OPHN1: variants seen among roughly 807,000 people sequenced by gnomAD.
OPHN1 encodes oligophrenin-1.
OPHN1 carries 11 observed loss-of-function variants against 60.7 expected under a neutral mutation model. That is an observed-to-expected ratio of 0.18 (90% CI 0.11 to 0.30). The LOEUF (loss-of-function observed/expected upper bound fraction) is 0.30. Ranked by LOEUF, OPHN1 falls within the 10% of genes least tolerant of loss-of-function variation. The probability of loss-of-function intolerance (pLI) is 1.00; values close to 1 mark genes in which losing one functional copy is unlikely to be tolerated. For synonymous variants in OPHN1, 226 were observed against 222.6 expected (o/e 1.02, Z -0.14); for missense variants, 449 against 611.0 (o/e 0.73, Z 2.80).
chrX:68,432,801 T>C, intron 2 of OPHN1, 66 bp downstream of exon 2: 2 of 1,129,346 alleles, frequency 1.8e-6, no homozygotes, highest in Non-Finnish European at 2.4e-6. Context: ...CCCCTGGTGG[T>C]GTGGAAAGGC....
chrX:68,058,503 G>C (rs1355113732), intron 21 of OPHN1, among the ~76,000 whole-genome samples: 2 of 111,572 alleles, frequency 1.8e-5, no homozygotes, highest in African/African-American at 6.5e-5. Flanking sequence ...AGACCTTGAG[G>C]TTAGTTCGCC....
chrX:68,077,526 G>A (rs1779123575), intron 19 of OPHN1, among the ~76,000 whole-genome samples: 2 of 111,919 alleles, frequency 1.8e-5, no homozygotes, highest in Admixed American at 9.5e-5. Flanking sequence ...GAACTGAGGT[G>A]GAAAGATTAA....
chrX:68,200,707 T>A lies in OPHN1; in HGVS notation c.1025+912A>T, dbSNP rs191892989. ...TAAGTCCTTTATTCCCCAATTTTTT[T>A]AAAAATGCCCTCATCATTTAGTCTG... On this transcript the variant is annotated intron_variant, in intron 11 of 24. Transcript: ENST00000355520. Among the ~76,000 whole-genome samples the A allele has an allele frequency of 2.9e-4, 32 of 111,974 alleles. No homozygotes were observed. In the East Asian group the frequency reaches 3.1e-3, roughly 11 times the overall value.
At chrX:68,113,114 C>T in intron 17 of OPHN1, 67 bp downstream of exon 17, 2 of 971,443 alleles carry the variant, frequency 2.1e-6, no homozygotes, top group South Asian at 2.0e-5. Context: ...AAACAATTTT[C>T]TAGGCTTATT....
intron 15 of OPHN1, among the ~76,000 whole-genome samples, chrX:68,177,100 T>C (rs1048922900): frequency 9.1e-6 from 1 of 109,360 alleles, no homozygotes; most frequent in African/African-American, 3.3e-5. Flanking sequence ...TTACACCAAG[T>C]GAAATAAGCC....
chrX:68,320,932 G>A (rs1481226429), intron 2 of OPHN1, among the ~76,000 whole-genome samples: 1 of 111,989 alleles, frequency 8.9e-6, no homozygotes, highest in African/African-American at 3.2e-5. Context: ...GGATACAGGT[G>A]AAGAGATACA....
chrX:68,327,990 C>T (rs1481698521), intron 2 of OPHN1, among the ~76,000 whole-genome samples: 4 of 100,025 alleles, frequency 4.0e-5, no homozygotes, highest in Non-Finnish European at 5.9e-5. Flanking sequence ...CCACCGCGCC[C>T]GGCTAATTTT....
chrX:68,403,985 C>T lies in OPHN1; in HGVS notation c.154+28882G>A, dbSNP rs185931975. Among the ~76,000 whole-genome samples, 153 of 108,778 alleles carry T rather than the reference C, an allele frequency of 1.4e-3. 1 individual carries two copies. Among genetic ancestry groups the T allele is most frequent in the African/African-American group, 4.9e-3 (146 of 29,961 alleles). The allele number at this position is 108,778 out of a possible 115,157, so 94.5% of individuals were successfully genotyped here. ...AGATGCTGAATGCAGAGCCAGGAGA[C>T]CTGGGTTGAAGTCTCAGTTTTACAT... On this transcript the variant is annotated intron_variant, in intron 2 of 24. Coordinates refer to ENST00000355520, the MANE Select transcript of OPHN1 (RefSeq NM_002547.3).
intron 2 of OPHN1, among the ~76,000 whole-genome samples, chrX:68,303,815 TACTC>T (rs980916096): frequency 3.6e-5 from 4 of 111,049 alleles, no homozygotes; most frequent in African/African-American, 1.3e-4. Flanking sequence ...CACATGCTCT[TACTC>T]GTATGTGAGA....
intron 15 of OPHN1, among the ~76,000 whole-genome samples, chrX:68,186,383 G>A (rs1446091723): frequency 9.1e-6 from 1 of 109,756 alleles, no homozygotes; most frequent in Non-Finnish European, 1.9e-5. Context: ...CAGAAATCAA[G>A]AGGGTAAATT....
chrX:68,131,896 T>C (rs1487751796), intron 15 of OPHN1, among the ~76,000 whole-genome samples: 1 of 112,520 alleles, frequency 8.9e-6, no homozygotes, highest in Non-Finnish European at 1.9e-5. Context: ...ATAATAATAC[T>C]ACGATAAAGC....
intron 3 of OPHN1, among the ~76,000 whole-genome samples, chrX:68,297,882 CAG>C (rs944446083): frequency 1.8e-5 from 2 of 110,897 alleles, no homozygotes; most frequent in Non-Finnish European, 3.8e-5. Context: ...ACAAAGAAAA[CAG>C]ATATATGTAG....
chrX:68,161,782 T>C (rs2077335514), intron 15 of OPHN1, among the ~76,000 whole-genome samples: 1 of 111,174 alleles, frequency 9.0e-6, no homozygotes, highest in African/African-American at 3.3e-5. Flanking sequence ...GCAGCATTAC[T>C]TATAAAAGTC....
intron 20 of OPHN1, 128 bp downstream of exon 20, chrX:68,073,024 T>C (rs1602137869): frequency 1.3e-6 from 1 of 783,610 alleles, no homozygotes; most frequent in East Asian, 3.5e-5. Context: ...TGGCTGCTTT[T>C]AAGCTCAGGA....
intron 15 of OPHN1, among the ~76,000 whole-genome samples, chrX:68,180,253 A>G (rs1468342620): frequency 8.9e-6 from 1 of 111,886 alleles, no homozygotes; most frequent in African/African-American, 3.2e-5. Context: ...TACTTAGAAT[A>G]AAGGCCACCA....
At chrX:68,399,200 A>T (rs182706972) in intron 2 of OPHN1, among the ~76,000 whole-genome samples, 258 of 110,278 alleles carry the variant, frequency 2.3e-3, no homozygotes, top group African/African-American at 8.1e-3. Context: ...CTCCATCTCC[A>T]CCCTCATCCA....
intron 15 of OPHN1, among the ~76,000 whole-genome samples, chrX:68,159,094 G>A (rs1213534822): frequency 9.0e-6 from 1 of 111,518 alleles, no homozygotes; most frequent in South Asian, 3.7e-4. Context: ...TTCTGCCCAC[G>A]GGGAGAGGCA....
rs747560180 is a variant in OPHN1 at position 68,323,490 on chromosome X, G to T, written c.155-24394C>A. On this transcript the variant is annotated intron_variant, in intron 2 of 24. Transcript: ENST00000355520. ...CTGCTTATTTGTATCGTTAGCATTT[G>T]TCAACATCTAATATACTACATATTT... Among the ~76,000 whole-genome samples the T allele has an allele frequency of 7.2e-5, 8 of 111,846 alleles. No homozygotes were observed. In the Admixed American group the frequency reaches 7.7e-4, roughly 11 times the overall value.
intron 15 of OPHN1, among the ~76,000 whole-genome samples, chrX:68,176,221 G>A (rs150928089): frequency 0.07 from 7,775 of 111,324 alleles, 225 homozygotes; most frequent in African/African-American, 0.097. Context: ...GATAAATTGG[G>A]CTACAACAAA....
Sources: gnomAD v4.1 joint callset for allele counts (sites outside exome capture counted in the v4.1 genomes callset) on GRCh38, gnomAD v4.1.1 for gene constraint, MANE v1.5 for transcripts, NCBI Gene and HGNC (gene_info 2026-07-23, HGNC 2026-07-21) for gene names.